PRRC2B: variants seen among roughly 807,000 people sequenced by gnomAD.
PRRC2B encodes proline rich coiled-coil 2B, also known as protein PRRC2B.
In PRRC2B, 68 loss-of-function variants were observed where a neutral mutation model predicts 242.3. The observed-to-expected ratio is 0.28, with a 90% CI of 0.23 to 0.34. The LOEUF (loss-of-function observed/expected upper bound fraction) is 0.34. PRRC2B is among the 10% of genes least tolerant of loss of function. The pLI is 1.00. For synonymous variants in PRRC2B, 1,228 were observed against 1,173.6 expected, an observed-to-expected ratio of 1.05 and a Z score of -0.95; for missense variants, 2,835 against 2,954.8, an observed-to-expected ratio of 0.96 and a Z score of 0.94.
chr9:131,404,048 T>G (rs1837295177), intron 1 of PRRC2B, among the ~76,000 whole-genome samples: 1 of 152,154 alleles, frequency 6.6e-6, no homozygotes, highest in South Asian at 2.1e-4. Context: ...CTGAAAGTGC[T>G]AGGATTACAG....
rs952050736 is a variant in PRRC2B, at chr9:131,428,498, G to A, written c.-51-1596G>A. On this transcript the variant is annotated intron_variant, in intron 1 of 31. Transcript: ENST00000683519. ...TGCAACTTCTGCCTCCCGGCTTCAAGCAATTCTCATGTCTCAGCCTCCTGA... is the reference window on the plus strand; with the variant it reads ...TGCAACTTCTGCCTCCCGGCTTCAAACAATTCTCATGTCTCAGCCTCCTGA... Among the ~76,000 whole-genome samples the A allele has an allele frequency of 2.6e-5, 4 of 152,180 alleles. No individual in the cohort carries two copies. The South Asian group carries it at 8.3e-4, about 31-fold the overall frequency.
At chr9:131,469,434 G>A (rs1462456720) in intron 13 of PRRC2B, among the ~76,000 whole-genome samples, 1 of 152,196 alleles carries the variant, frequency 6.6e-6, no homozygotes, top group African/African-American at 2.4e-5. Flanking sequence ...GTAGACAGGA[G>A]GTGGAGCTGG....
At chr9:131,478,649 G>GGGGGGGGGGGGCCCGGGGGC in intron 18 of PRRC2B, 30 bp downstream of exon 18, 2 of 504,562 alleles carry the variant, frequency 4.0e-6, no homozygotes, top group Admixed American at 2.3e-5. Flanking sequence ...GGGGCATGGG[G>GGGGGGGGGGGGCCCGGGGGC]CTGGAGGGCA....
chr9:131,449,105 A>G (rs1040151520), intron 9 of PRRC2B, among the ~76,000 whole-genome samples: 1 of 152,214 alleles, frequency 6.6e-6, no homozygotes, highest in African/African-American at 2.4e-5. Flanking sequence ...TTTATATGCC[A>G]GTTGCTTTTA....
chr9:131,476,060 C>A lies in PRRC2B; in HGVS notation c.3931C>A (p.Pro1311Thr). The part of the protein sequence containing the change: ...RRRPPRQDKP[P>T]RFRRLRQERE... ...GCGCCCCCCACGCCAAGATAAGCCCCCTCGATTCCGGCGCCTCCGGCAAGA... is the reference window on the plus strand; with the variant it reads ...GCGCCCCCCACGCCAAGATAAGCCCACTCGATTCCGGCGCCTCCGGCAAGA... The change falls in exon 16 of 32, where the codon CCT becomes ACT. Residue 1311 changes from proline (P) to threonine (T), a missense_variant. Coordinates refer to ENST00000683519, the MANE Select transcript of PRRC2B (RefSeq NM_013318.4). The A allele has an allele frequency of 6.2e-7, 1 of 1,607,054 alleles. No individual in the cohort carries two copies. The highest frequency in any genetic ancestry group is 8.5e-7 in the Non-Finnish European group (1 of 1,175,486).
chr9:131,398,875 G>A (rs980621234), intron 1 of PRRC2B, among the ~76,000 whole-genome samples: 1 of 152,192 alleles, frequency 6.6e-6, no homozygotes, highest in Admixed American at 6.5e-5. Flanking sequence ...CTACTTGGGA[G>A]GCTGAAGCAG....
chr9:131,385,612 AAAT>A (rs1398723432), intron 1 of PRRC2B, among the ~76,000 whole-genome samples: 2 of 150,778 alleles, frequency 1.3e-5, no homozygotes, highest in African/African-American at 4.8e-5. Flanking sequence ...AAAGTGGGAG[AAAT>A]AATAACAGTC....
At chr9:131,423,865 T>C (rs148618902) in intron 1 of PRRC2B, among the ~76,000 whole-genome samples, 1 of 152,272 alleles carries the variant, frequency 6.6e-6, no homozygotes, top group East Asian at 1.9e-4. Flanking sequence ...ATCCCAAGTT[T>C]ATATAGGAAA....
chr9:131,476,577 C>T, intron 16 of PRRC2B, 42 bp downstream of exon 16: 2 of 1,523,016 alleles, frequency 1.3e-6, no homozygotes, highest in Non-Finnish European at 1.8e-6. Flanking sequence ...TTGTTGTGTT[C>T]TGTTCTCAGC....
rs1837287009 is a variant in PRRC2B at position 131,403,785 on chromosome 9, T to A, written c.-52+9522T>A. On this transcript the variant is annotated intron_variant, in intron 1 of 31. Coordinates refer to ENST00000683519, the MANE Select transcript of PRRC2B (RefSeq NM_013318.4). ...GCTTTGTTTATCCTTCTAGGCTCAGTGCACGTATAAATATGGCCTCATGTA... is the reference window on the plus strand; with the variant it reads ...GCTTTGTTTATCCTTCTAGGCTCAGAGCACGTATAAATATGGCCTCATGTA... Among the ~76,000 whole-genome samples the A allele has an allele frequency of 2.0e-5, 3 of 152,232 alleles. No homozygotes were observed. The South Asian group carries it at 6.2e-4, about 32-fold the overall frequency.
intron 5 of PRRC2B, among the ~76,000 whole-genome samples, chr9:131,439,745 C>T (rs747919712): frequency 1.3e-5 from 2 of 152,186 alleles, no homozygotes; most frequent in Non-Finnish European, 2.9e-5. Flanking sequence ...GCCCCAGCTT[C>T]TCCCAAGGGG....
chr9:131,479,189 C>T, intron 18 of PRRC2B, 63 bp from the exon 19 acceptor site: 3 of 1,553,414 alleles, frequency 1.9e-6, no homozygotes, highest in African/African-American at 2.7e-5. Context: ...GATACTTATC[C>T]TGGGGAGAAT....
In PRRC2B at chr9:131,471,054, G is replaced by C; in HGVS notation, c.2107+71G>C. On this transcript the variant is annotated intron_variant, in intron 14 of 31. Coordinates refer to ENST00000683519, the MANE Select transcript of PRRC2B (RefSeq NM_013318.4). ...GCGTGGTGGTCAAGGGTGTCCTCTCGAGTTAAACAGATACACCTGGATTTT... is the reference window on the plus strand; with the variant it reads ...GCGTGGTGGTCAAGGGTGTCCTCTCCAGTTAAACAGATACACCTGGATTTT... 4 of 1,090,972 alleles carry C rather than the reference G, an allele frequency of 3.7e-6. No homozygotes were observed. In the South Asian group the frequency reaches 4.4e-5, roughly 12 times the overall value. The allele number at this position is 1,090,972 out of a possible 1,614,324, so 67.6% of individuals were successfully genotyped here.
intron 23 of PRRC2B, among the ~76,000 whole-genome samples, chr9:131,484,093 G>A (rs749351395): frequency 8.5e-5 from 13 of 152,212 alleles, no homozygotes; most frequent in African/African-American, 2.9e-4. Flanking sequence ...TGGGCTCTAC[G>A]AGGTTCTTTA....
chr9:131,445,468 C>A (rs1205334589), intron 6 of PRRC2B, among the ~76,000 whole-genome samples: 2 of 152,178 alleles, frequency 1.3e-5, no homozygotes, highest in Admixed American at 6.5e-5. Context: ...CTGTTTGCAT[C>A]ATTTTAAGGG....
intron 5 of PRRC2B, 86 bp from the exon 6 acceptor site, chr9:131,444,099 A>G: frequency 6.7e-7 from 1 of 1,499,648 alleles, no homozygotes; most frequent in Non-Finnish European, 9.2e-7. Context: ...CTTCCAGGCA[A>G]CACGGCTTTC....
intron 1 of PRRC2B, among the ~76,000 whole-genome samples, chr9:131,387,297 GGCCACCTGTC>G (rs1160346924): frequency 6.7e-6 from 1 of 149,914 alleles, no homozygotes; most frequent in Non-Finnish European, 1.5e-5. Flanking sequence ...CACCGCGCCC[GGCCACCTGTC>G]TCTCTCTCTC....
At chr9:131,485,935 A>G (rs1172445001) in intron 25 of PRRC2B, 150 bp from the exon 26 acceptor site, 1 of 694,976 alleles carries the variant, frequency 1.4e-6, no homozygotes, top group Non-Finnish European at 2.6e-6. Flanking sequence ...TGCTTCCGGC[A>G]CACAGGGAAC....
chr9:131,385,973 G>A (rs1045230263), intron 1 of PRRC2B, among the ~76,000 whole-genome samples: 1 of 150,522 alleles, frequency 6.6e-6, no homozygotes, highest in Non-Finnish European at 1.5e-5. Context: ...GATTACAGGC[G>A]TGAACCACGG....
Sources: gnomAD v4.1 joint callset for allele counts (sites outside exome capture counted in the v4.1 genomes callset) on GRCh38, gnomAD v4.1.1 for gene constraint, MANE v1.5 for transcripts, NCBI Gene and HGNC (gene_info 2026-07-23, HGNC 2026-07-21) for gene names.